TTL: variants seen among roughly 807,000 people sequenced by gnomAD.
The protein encoded by TTL is tubulin tyrosine ligase.
In TTL, 10 loss-of-function variants were observed where a neutral mutation model predicts 41.1. That is an observed-to-expected ratio of 0.24 (90% CI 0.15 to 0.41). The LOEUF is 0.41. Among genes scored for constraint, TTL ranks in the 10% least tolerant of loss-of-function variants. The pLI is 1.00. For synonymous variants in TTL, 175 were observed against 175.5 expected, an observed-to-expected ratio of 1.00 and a Z score of 0.02; for missense variants, 367 against 460.4, an observed-to-expected ratio of 0.80 and a Z score of 1.86.
chr2:112,520,563 A>G (rs1222254793), intron 6 of TTL, 138 bp downstream of exon 6: 10 of 1,212,848 alleles, frequency 8.2e-6, no homozygotes, highest in East Asian at 5.2e-5. Flanking sequence ...GGAGGACTCT[A>G]TCTGGCAGGG....
chr2:112,498,552 G>A (rs567640114), intron 3 of TTL, among the ~76,000 whole-genome samples: 6 of 152,306 alleles, frequency 3.9e-5, no homozygotes, highest in African/African-American at 1.4e-4. Context: ...ATAGGTTTAT[G>A]TAGTTCTTAT....
Position 112,494,332 on chromosome 2 carries a change from A to G in TTL, c.426A>G (p.Gly142=), listed in dbSNP as rs377055116. 28 of 1,614,174 alleles carry G rather than the reference A, an allele frequency of 1.7e-5. No homozygotes were observed. In the African/African-American group the frequency reaches 3.5e-4, roughly 20 times the overall value. The change falls in exon 3 of 7, where the codon GGA becomes GGG. Residue 142 remains glycine, a synonymous_variant. Coordinates refer to ENST00000233336, the MANE Select transcript of TTL (RefSeq NM_153712.5). ...LASYNRKKED[G]EGNVWIAKSS... is the part of the protein sequence containing the mutation. Reference sequence around the variant, plus strand: ...CTTATAACAGAAAGAAAGAGGATGGAGAGGGCAACGTTTGGATTGCAAAGT... The same window carrying G: ...CTTATAACAGAAAGAAAGAGGATGGGGAGGGCAACGTTTGGATTGCAAAGT...
intron 5 of TTL, among the ~76,000 whole-genome samples, chr2:112,509,677 G>T (rs1009224749): frequency 6.6e-6 from 1 of 152,166 alleles, no homozygotes; most frequent in Non-Finnish European, 1.5e-5. Flanking sequence ...TTCGGCTCGC[G>T]CACGGTGCGC....
Position 112,528,896 on chromosome 2 carries a change from G to A in TTL, c.*101G>A. The A allele has an allele frequency of 1.0e-6, 1 of 966,880 alleles. No homozygotes were observed. Among genetic ancestry groups the A allele is most frequent in the Non-Finnish European group, 1.6e-6 (1 of 610,970 alleles). The allele number at this position is 966,880 out of a possible 1,614,324, so 59.9% of individuals were successfully genotyped here. ...TTTATCCAGCCCACAGCAGGGGAAA[G>A]AAAGGCAACTCGCAAAGATGAGATG... On this transcript the variant is annotated 3_prime_UTR_variant, in exon 7 of 7. Transcript: ENST00000233336.
chr2:112,528,490 C>T (rs931498769), intron 6 of TTL, among the ~76,000 whole-genome samples, 191 bp from the exon 7 acceptor site: 2 of 152,110 alleles, frequency 1.3e-5, no homozygotes, highest in African/African-American at 4.8e-5. Flanking sequence ...GTGCCAGCTA[C>T]TTGGGAGGCT....
rs1682474587 is a variant in TTL, at chr2:112,530,328, C to T, written c.*1533C>T. 4.3e-6 allele frequency: 1 copy of T among 231,662 alleles called. No individual in the cohort carries two copies. The highest frequency in any genetic ancestry group is 8.5e-6 in the Non-Finnish European group (1 of 117,204). 14.4% of individuals were successfully genotyped at this position (231,662 alleles called of 1,614,324 possible). A position where few individuals can be genotyped will look rare whatever the true frequency, so the allele number is the denominator to read the frequency against. ...AGTTGATAGGATGTGAGGGTGTTAC[C>T]TTGGGGTGAAGTGGAGAAGGTCCCA... is the stretch of plus-strand genomic sequence containing the variant. On this transcript the variant is annotated 3_prime_UTR_variant, in exon 7 of 7. Coordinates refer to ENST00000233336, the MANE Select transcript of TTL (RefSeq NM_153712.5).
chr2:112,498,405 G>A (rs1426070501), intron 3 of TTL, among the ~76,000 whole-genome samples: 1 of 152,126 alleles, frequency 6.6e-6, no homozygotes, highest in African/African-American at 2.4e-5. Context: ...AACAAGACAT[G>A]TATAGGCTCT....
chr2:112,526,520 G>T (rs1368522419), intron 6 of TTL, among the ~76,000 whole-genome samples: 1 of 152,172 alleles, frequency 6.6e-6, no homozygotes, highest in Non-Finnish European at 1.5e-5. Context: ...TCTTGGGAGG[G>T]TGTATGTGTC....
chr2:112,535,731 G>C lies in TTL; in HGVS notation c.*6936G>C, dbSNP rs1682584895. 1 of 54,124 alleles carries C rather than the reference G, an allele frequency of 1.8e-5. No individual in the cohort carries two copies. Among genetic ancestry groups the C allele is most frequent in the Admixed American group, 2.6e-4 (1 of 3,776 alleles). 3.4% of individuals were successfully genotyped at this position (54,124 alleles called of 1,614,324 possible). ...TTAAATACTCCAATCAGAAGGTAGA[G>C]ATTGGCAAATTGATTTTTTTTAAAA... On this transcript the variant is annotated 3_prime_UTR_variant, in exon 7 of 7. Coordinates refer to ENST00000233336, the MANE Select transcript of TTL (RefSeq NM_153712.5).
At chr2:112,503,319 T>C (rs374476188) in intron 5 of TTL, 138 bp downstream of exon 5, 12 of 680,256 alleles carry the variant, frequency 1.8e-5, no homozygotes, top group East Asian at 5.7e-5. Context: ...TATTTTCCTT[T>C]TAATGTCTGC....
chr2:112,490,042 T>A (rs1011961177), intron 2 of TTL, among the ~76,000 whole-genome samples: 4 of 152,204 alleles, frequency 2.6e-5, no homozygotes, highest in African/African-American at 9.7e-5. Context: ...GTCTTCTGTT[T>A]CCATGAACTG....
chr2:112,515,803 C>T (rs141588567), intron 5 of TTL, among the ~76,000 whole-genome samples: 4,537 of 152,110 alleles, frequency 0.03, 101 homozygotes, highest in Middle Eastern at 0.068. Flanking sequence ...AAAAATTAGC[C>T]AGGCGTGGTG....
Position 112,533,311 on chromosome 2 carries a change from AG to A in TTL, c.*4518del, listed in dbSNP as rs1206192339. On this transcript the variant is annotated 3_prime_UTR_variant, in exon 7 of 7. Transcript: ENST00000233336. ...GCAGGGTGCAAGCAGACATGGATCCAGGCAGGCACCTACTTAGGACCCTGAG... is the reference window on the plus strand; with the variant it reads ...GCAGGGTGCAAGCAGACATGGATCCAGCAGGCACCTACTTAGGACCCTGAG... The A allele has an allele frequency of 6.6e-6, 1 of 152,494 alleles. No individual in the cohort carries two copies. Among genetic ancestry groups the A allele is most frequent in the Non-Finnish European group, 1.5e-5 (1 of 68,262 alleles). The allele number at this position is 152,494 out of a possible 1,614,324, so 9.4% of individuals were successfully genotyped here.
chr2:112,518,977 C>G (rs1682151334), intron 5 of TTL, among the ~76,000 whole-genome samples: 1 of 151,916 alleles, frequency 6.6e-6, no homozygotes. Flanking sequence ...GCCCGGCTGG[C>G]CCCTGTATCT....
chr2:112,501,662 G>T (rs1268871546), intron 4 of TTL, among the ~76,000 whole-genome samples: 1 of 152,060 alleles, frequency 6.6e-6, no homozygotes, highest in Non-Finnish European at 1.5e-5. Flanking sequence ...GAGGTCAGGA[G>T]TTCGAGACCA....
rs1682514323 is a variant in TTL at position 112,531,739 on chromosome 2, A to T, written c.*2944A>T. 1 of 223,076 alleles carries T rather than the reference A, an allele frequency of 4.5e-6. No homozygotes were observed. The highest frequency in any genetic ancestry group is 5.7e-5 in the Admixed American group (1 of 17,424). 13.8% of individuals were successfully genotyped at this position (223,076 alleles called of 1,614,324 possible). A position where few individuals can be genotyped will look rare whatever the true frequency, so the allele number is the denominator to read the frequency against. ...CAAGCATTTCTTTAAGGATGACCGG[A>T]TGTTGCCGTATGTATTTATGGCACA... On this transcript the variant is annotated 3_prime_UTR_variant, in exon 7 of 7. Transcript: ENST00000233336.
In TTL at chr2:112,541,078, C is replaced by T. The variant is rs146048274; in HGVS notation, c.*12283C>T. On this transcript the variant is annotated 3_prime_UTR_variant, in exon 7 of 7. Coordinates refer to ENST00000233336, the MANE Select transcript of TTL (RefSeq NM_153712.5). ...ATCTACCCTCCTGTGATGATTACAT[C>T]GTATGCCTATATGAAAACATCTCAT... 4 of 152,156 alleles carry T rather than the reference C, an allele frequency of 2.6e-5. No homozygotes were observed. The highest frequency in any genetic ancestry group is 5.9e-5 in the Non-Finnish European group (4 of 68,010). The allele number at this position is 152,156 out of a possible 1,614,324, so 9.4% of individuals were successfully genotyped here.
At chr2:112,494,065 G>A in intron 2 of TTL, 78 bp from the exon 3 acceptor site, 2 of 1,108,656 alleles carry the variant, frequency 1.8e-6, no homozygotes, top group Non-Finnish European at 2.6e-6. Flanking sequence ...AAGTCTCTGG[G>A]GGAAAGGAGT....
At chr2:112,528,041 G>A (rs551152218) in intron 6 of TTL, among the ~76,000 whole-genome samples, 1 of 152,202 alleles carries the variant, frequency 6.6e-6, no homozygotes, top group South Asian at 2.1e-4. Flanking sequence ...TTGCTTGTCT[G>A]TAGAGGATTT....
Sources: gnomAD v4.1 joint callset for allele counts (sites outside exome capture counted in the v4.1 genomes callset) on GRCh38, gnomAD v4.1.1 for gene constraint, MANE v1.5 for transcripts, NCBI Gene and HGNC (gene_info 2026-07-23, HGNC 2026-07-21) for gene names.